The following CCDC13 variants were observed in gnomAD, a reference collection of about 807,000 sequenced individuals.
CCDC13 encodes the protein coiled-coil domain containing 13.
CCDC13 carries 70 observed loss-of-function variants against 87.3 expected under a neutral mutation model. The observed-to-expected ratio is 0.80, with a 90% confidence interval of 0.66 to 0.98. The LOEUF is 0.98. Ranked by LOEUF, CCDC13 falls within the 50% of genes least tolerant of loss-of-function variation. The pLI is 0.00. For synonymous variants in CCDC13, 317 were observed against 360.3 expected (o/e 0.88, Z 1.36); for missense variants, 842 against 892.0 (o/e 0.94, Z 0.71).
chr3:42,743,590 T>TAC (rs2125896077), intron 7 of CCDC13, among the ~76,000 whole-genome samples: 1 of 125,438 alleles, frequency 8.0e-6, no homozygotes, highest in Admixed American at 7.9e-5. Context: ...GATAATTTTA[T>TAC]ATATATATAT....
intron 6 of CCDC13, 83 bp downstream of exon 6, chr3:42,747,173 GA>G: frequency 9.8e-7 from 1 of 1,023,244 alleles, no homozygotes. Context: ...CATGGCTCCA[GA>G]AAGGAATCCA....
rs758828255 is a variant in CCDC13, at chr3:42,732,878, G to A, written c.1595+9C>T. 2 of 1,550,804 alleles carry A rather than the reference G, an allele frequency of 1.3e-6. No homozygotes were observed. Among genetic ancestry groups the A allele is most frequent in the Admixed American group, 3.9e-5 (2 of 50,872 alleles). ...AAACTGTGAGAGTCCGGGGGTCGGG[G>A]GTCCATACCTAGGTGAGGTCCTGTG... On this transcript the variant is annotated intron_variant, in intron 12 of 15. Coordinates refer to ENST00000310232, the MANE Select transcript of CCDC13 (RefSeq NM_144719.4).
chr3:42,718,572 C>T (rs867646047), intron 13 of CCDC13, among the ~76,000 whole-genome samples: 4 of 152,170 alleles, frequency 2.6e-5, no homozygotes, highest in African/African-American at 7.2e-5. Context: ...GGGTCTGGAT[C>T]GGGACCCTTT....
chr3:42,749,223 G>A (rs1051536541), intron 5 of CCDC13, among the ~76,000 whole-genome samples: 21 of 152,112 alleles, frequency 1.4e-4, no homozygotes, highest in African/African-American at 2.9e-4. Flanking sequence ...GCCACGCCCC[G>A]CCCTGCCTGT....
At position 42,709,864 on chromosome 3, in the gene CCDC13, C is replaced by T. The variant is rs1575263991; in HGVS notation, c.1874-66G>A. Reference sequence around the variant, plus strand: ...GCCCTGTGCTAGCACCCTGCTTCTCCTCCCGCCATTGCCCACTGCCTGCTC... The same window carrying T: ...GCCCTGTGCTAGCACCCTGCTTCTCTTCCCGCCATTGCCCACTGCCTGCTC... On this transcript the variant is annotated intron_variant, in intron 14 of 15. Coordinates refer to ENST00000310232, the MANE Select transcript of CCDC13 (RefSeq NM_144719.4). The T allele has an allele frequency of 8.2e-6, 10 of 1,220,174 alleles. No individual in the cohort carries two copies. In the East Asian group the frequency reaches 2.1e-4, roughly 26 times the overall value. The allele number at this position is 1,220,174 out of a possible 1,614,324, so 75.6% of individuals were successfully genotyped here.
At position 42,751,979 on chromosome 3, in the gene CCDC13, G is replaced by A. The variant is rs1157783741; in HGVS notation, c.560C>T (p.Ala187Val). The A allele has an allele frequency of 1.9e-6, 3 of 1,610,460 alleles. No homozygotes were observed. Among genetic ancestry groups the A allele is most frequent in the Non-Finnish European group, 2.5e-6 (3 of 1,180,022 alleles). Reference protein sequence around the residue: ...TRLSAKGATDAGAKPPRAQMG... With the variant: ...TRLSAKGATDVGAKPPRAQMG... ...CTGGGCCCTCGGTGGCTTGGCTCCT[G>A]CGTCGGTGGCCCCCTTGGCTGACAG... is the stretch of plus-strand genomic sequence containing the variant. The change falls in exon 5 of 16, where the codon GCA (alanine) becomes GTA (valine). Residue 187 changes from alanine to valine, a missense_variant. Ala to Val is a moderately conservative substitution (Grantham distance 64, BLOSUM62 0). Coordinates refer to ENST00000310232, the MANE Select transcript of CCDC13 (RefSeq NM_144719.4).
At chr3:42,716,962 T>C (rs900310333) in intron 13 of CCDC13, among the ~76,000 whole-genome samples, 1 of 152,220 alleles carries the variant, frequency 6.6e-6, no homozygotes, top group Non-Finnish European at 1.5e-5. Context: ...ATGTGGTACA[T>C]GCACACAATA....
At chr3:42,749,755 TTTTC>T (rs1699523161) in intron 5 of CCDC13, 1 of 396,492 alleles carries the variant, frequency 2.5e-6, no homozygotes. Flanking sequence ...CCCGAGGCTG[TTTTC>T]TTTGAGAAAA....
intron 5 of CCDC13, among the ~76,000 whole-genome samples, chr3:42,749,598 T>G (rs1699518587): frequency 6.6e-6 from 1 of 152,186 alleles, no homozygotes; most frequent in African/African-American, 2.4e-5. Context: ...TAGATGGTGT[T>G]CTGGAGAGGG....
chr3:42,754,055 G>C (rs909406734), intron 3 of CCDC13, among the ~76,000 whole-genome samples: 1 of 152,208 alleles, frequency 6.6e-6, no homozygotes, highest in Admixed American at 6.5e-5. Context: ...GGCAGAGGTG[G>C]TCAGATGGTC....
At chr3:42,750,034 G>A in intron 5 of CCDC13, 2 of 435,240 alleles carry the variant, frequency 4.6e-6, no homozygotes, top group South Asian at 3.2e-5. Context: ...CTGATGAATT[G>A]AGACCTGCGG....
chr3:42,743,599 A>G (rs1240469524), intron 7 of CCDC13, among the ~76,000 whole-genome samples: 2 of 134,040 alleles, frequency 1.5e-5, no homozygotes, highest in African/African-American at 5.6e-5. Context: ...ATATATATAT[A>G]TACACACACA....
intron 12 of CCDC13, among the ~76,000 whole-genome samples, chr3:42,730,883 G>T (rs1698813110): frequency 1.3e-5 from 2 of 152,134 alleles, no homozygotes; most frequent in Admixed American, 6.5e-5. Context: ...TGTGGCAGGT[G>T]GCTCTTGGGG....
chr3:42,723,125 G>A (rs946388653), intron 13 of CCDC13, among the ~76,000 whole-genome samples: 2 of 152,032 alleles, frequency 1.3e-5, no homozygotes, highest in African/African-American at 2.4e-5. Context: ...ATAAACTTGC[G>A]TTTACTTTGC....
At position 42,732,981 on chromosome 3, in the gene CCDC13, GCGGAAGGGGC is replaced by G; in HGVS notation, c.1512-21_1512-12del. ...AGGCTGGTCACAGAGCTGTGTAAAGGCGGAAGGGGCCCATCAGCCTGGGAAGGCAGACCAG... is the reference window on the plus strand; with the variant it reads ...AGGCTGGTCACAGAGCTGTGTAAAGGCCATCAGCCTGGGAAGGCAGACCAG... On this transcript the variant is annotated splice_polypyrimidine_tract_variant and intron_variant, in intron 11 of 15. Coordinates refer to ENST00000310232, the MANE Select transcript of CCDC13 (RefSeq NM_144719.4). 6.4e-7 allele frequency: 1 copy of G among 1,551,016 alleles called. No individual in the cohort carries two copies.
Position 42,730,542 on chromosome 3 carries a change from T to C in CCDC13, c.1643A>G (p.Glu548Gly), listed in dbSNP as rs779944944. The C allele has an allele frequency of 6.8e-6, 11 of 1,614,162 alleles. No homozygotes were observed. Among genetic ancestry groups the C allele is most frequent in the Non-Finnish European group, 9.3e-6 (11 of 1,180,004 alleles). Residue 548 changes from glutamate (E) to glycine (G), a missense_variant, in exon 13 of 16, where the codon GAG (glutamate) becomes GGG (glycine). Physicochemically the swap from Glu to Gly is moderately conservative, Grantham distance 98. Coordinates refer to ENST00000310232, the MANE Select transcript of CCDC13 (RefSeq NM_144719.4). Reference protein sequence around the residue: ...EQKGWQAQVSEIKALWQAAEV... With the variant: ...EQKGWQAQVSGIKALWQAAEV... ...GGCAGCCTGCCAGAGGGCCTTGATCTCTGACACTTGTGCCTGCCAGCCTTT... is the reference window on the plus strand; with the variant it reads ...GGCAGCCTGCCAGAGGGCCTTGATCCCTGACACTTGTGCCTGCCAGCCTTT...
At chr3:42,727,922 T>C (rs940028302) in intron 13 of CCDC13, among the ~76,000 whole-genome samples, 2 of 152,130 alleles carry the variant, frequency 1.3e-5, no homozygotes, top group Admixed American at 1.3e-4. Flanking sequence ...ATAGAAAATA[T>C]TAATTAAAGT....
intron 15 of CCDC13, 141 bp from the exon 16 acceptor site, chr3:42,709,280 T>G: frequency 1.2e-6 from 1 of 811,758 alleles, no homozygotes; most frequent in South Asian, 1.9e-5. Flanking sequence ...CTCCTCTCAC[T>G]GACTCTTGTG....
chr3:42,765,056 T>C (rs1330665366), intron 1 of CCDC13, among the ~76,000 whole-genome samples: 2 of 152,188 alleles, frequency 1.3e-5, no homozygotes, highest in Non-Finnish European at 2.9e-5. Flanking sequence ...AATTTGCACT[T>C]GAAGTCACTG....
Sources: gnomAD v4.1 joint callset for allele counts (sites outside exome capture counted in the v4.1 genomes callset) on GRCh38, gnomAD v4.1.1 for gene constraint, MANE v1.5 for transcripts, NCBI Gene and HGNC (gene_info 2026-07-23, HGNC 2026-07-21) for gene names.